Variants in LPAR1 observed in about 807,000 individuals in gnomAD.
The protein encoded by LPAR1 is LPA receptor 1.
Under a neutral mutation model 23.8 loss-of-function variants are expected in LPAR1, and 5 were observed. The ratio of observed to expected loss-of-function variants is 0.21; its 90% CI spans 0.11 to 0.44. LPAR1 has a LOEUF of 0.44. Among genes scored for constraint, LPAR1 ranks in the 20% least tolerant of loss-of-function variants. The probability of loss-of-function intolerance (pLI) is 0.99; values close to 1 mark genes in which losing one functional copy is unlikely to be tolerated. For missense variants in LPAR1, 311 were observed against 482.8 expected, an observed-to-expected ratio of 0.64 and a Z score of 3.33; for synonymous variants, 160 against 164.7, an observed-to-expected ratio of 0.97 and a Z score of 0.22.
At chr9:110,878,255 A>C (rs764089358) in intron 5 of LPAR1, among the ~76,000 whole-genome samples, 3 of 152,128 alleles carry the variant, frequency 2.0e-5, no homozygotes, top group Non-Finnish European at 2.9e-5. Flanking sequence ...AAAACCAATC[A>C]TATGGAAATT....
intron 2 of LPAR1, among the ~76,000 whole-genome samples, chr9:111,007,376 C>T (rs2140401031): frequency 6.6e-6 from 1 of 152,118 alleles, no homozygotes; most frequent in South Asian, 2.1e-4. Flanking sequence ...AAACTGTTAA[C>T]ATTCTTAAAG....
In LPAR1 at chr9:111,005,575, A is replaced by AAAG. The variant is rs1554729754; in HGVS notation, c.-182+30544_-182+30546dup. On this transcript the variant is annotated intron_variant, in intron 2 of 5. Transcript: ENST00000683809. ...AAAAAAAAAAAAAAAAAAAAAAAAA[A>AAAG]AAGAAGAATTGGGAAGGAGGAAGCA... 7.9e-3 allele frequency among the ~76,000 whole-genome samples: 1,031 copies of AAAG among 131,146 alleles called. 30 individuals are homozygous for AAAG. The highest frequency in any genetic ancestry group is 0.031 in the African/African-American group (959 of 30,622). The allele number at this position is 131,146 out of a possible 152,430, so 86.0% of individuals were successfully genotyped here.
chr9:111,038,557 G>T (rs1331346436), upstream of LPAR1: 4 of 449,110 alleles, frequency 8.9e-6, no homozygotes, highest in East Asian at 1.5e-4. The surrounding 1 kb of genome is among the most constrained non-coding windows in gnomAD (Gnocchi z 4.4). Flanking sequence ...CTCTTCCTCC[G>T]CCTTCCTTCT....
intron 5 of LPAR1, among the ~76,000 whole-genome samples, chr9:110,929,858 T>C (rs989787430): frequency 2.5e-4 from 38 of 152,190 alleles, no homozygotes; most frequent in African/African-American, 8.0e-4. Context: ...TTGGCTAAAT[T>C]CGGCAATTCA....
intron 2 of LPAR1, chr9:110,999,376 G>C: frequency 2.2e-6 from 1 of 455,872 alleles, no homozygotes; most frequent in Admixed American, 2.4e-5. Flanking sequence ...AGAAGGTTCA[G>C]ACCTCCCCCA....
At chr9:110,944,401 A>G (rs1430562640) in intron 4 of LPAR1, among the ~76,000 whole-genome samples, 1 of 152,246 alleles carries the variant, frequency 6.6e-6, no homozygotes, top group East Asian at 1.9e-4. Context: ...AGATATTTCC[A>G]AAAATGTTTA....
intron 4 of LPAR1, among the ~76,000 whole-genome samples, chr9:110,969,715 A>C (rs2096351150): frequency 6.7e-6 from 1 of 149,538 alleles, no homozygotes; most frequent in Non-Finnish European, 1.5e-5. Flanking sequence ...CTGTCTCAGA[A>C]AAAAAAAAAA....
At chr9:111,023,147 C>T (rs1222681771) in intron 2 of LPAR1, among the ~76,000 whole-genome samples, 3 of 151,760 alleles carry the variant, frequency 2.0e-5, no homozygotes, top group Non-Finnish European at 4.4e-5. Context: ...ACACCCATCT[C>T]CCCCAAAAAA....
chr9:110,976,040 C>G (rs764865280), intron 2 of LPAR1, among the ~76,000 whole-genome samples: 4 of 152,050 alleles, frequency 2.6e-5, no homozygotes, highest in Non-Finnish European at 4.4e-5. Flanking sequence ...CAAAACTGCA[C>G]AAATCATGGG....
At chr9:110,916,541 T>C (rs971047721) in intron 5 of LPAR1, among the ~76,000 whole-genome samples, 5 of 152,222 alleles carry the variant, frequency 3.3e-5, no homozygotes, top group Admixed American at 1.3e-4. Flanking sequence ...AAGTATTGCA[T>C]GCAGGCTTTG....
chr9:110,921,938 C>T (rs1019679261), intron 5 of LPAR1, among the ~76,000 whole-genome samples: 1 of 152,202 alleles, frequency 6.6e-6, no homozygotes, highest in African/African-American at 2.4e-5. Flanking sequence ...CAGCCAGCTA[C>T]CAAACCACAT....
chr9:110,889,238 G>C (rs937265364), intron 5 of LPAR1, among the ~76,000 whole-genome samples: 2 of 152,136 alleles, frequency 1.3e-5, no homozygotes, highest in Admixed American at 6.5e-5. Context: ...GGCGCCTGTA[G>C]TCTCAGCTAC....
At chr9:110,889,744 A>G (rs1338963011) in intron 5 of LPAR1, among the ~76,000 whole-genome samples, 1 of 152,254 alleles carries the variant, frequency 6.6e-6, no homozygotes, top group East Asian at 1.9e-4. Context: ...TTGTGGTTAC[A>G]AAATAATCAC....
chr9:111,031,300 T>C (rs1215042587), intron 2 of LPAR1, among the ~76,000 whole-genome samples: 1 of 150,534 alleles, frequency 6.6e-6, no homozygotes, highest in Non-Finnish European at 1.5e-5. Context: ...CTCACAGCTG[T>C]CATCCCAACA....
intron 4 of LPAR1, among the ~76,000 whole-genome samples, chr9:110,949,498 C>T (rs1011321243): frequency 6.6e-6 from 1 of 152,146 alleles, no homozygotes; most frequent in East Asian, 1.9e-4. Flanking sequence ...ATCCTCTTCC[C>T]TTGATATGTT....
chr9:110,920,875 C>T (rs752090822), intron 5 of LPAR1, among the ~76,000 whole-genome samples: 3 of 152,190 alleles, frequency 2.0e-5, no homozygotes, highest in Non-Finnish European at 2.9e-5. Context: ...GTATTCTCAG[C>T]ACTTTGGGAG....
chr9:111,015,065 A>C (rs908241964), intron 2 of LPAR1, among the ~76,000 whole-genome samples: 1 of 152,144 alleles, frequency 6.6e-6, no homozygotes, highest in Non-Finnish European at 1.5e-5. Flanking sequence ...GAAAAACCAC[A>C]TGAAGACACG....
intron 4 of LPAR1, among the ~76,000 whole-genome samples, chr9:110,947,984 C>G (rs958567401): frequency 6.6e-6 from 1 of 152,088 alleles, no homozygotes; most frequent in Admixed American, 6.5e-5. Flanking sequence ...TGAGCCGGGG[C>G]GGGGGCCTGA....
At chr9:110,961,963 G>T (rs916431198) in intron 4 of LPAR1, among the ~76,000 whole-genome samples, 3 of 152,124 alleles carry the variant, frequency 2.0e-5, no homozygotes, top group African/African-American at 4.8e-5. Context: ...GTATATTTGT[G>T]ATACATCATT....
Sources: allele counts gnomAD v4.1 joint callset (sites outside exome capture counted in the v4.1 genomes callset), GRCh38; gene constraint gnomAD v4.1.1; non-coding constraint Gnocchi (gnomAD v3.1); transcripts MANE v1.5; gene names NCBI Gene and HGNC (gene_info 2026-07-23, HGNC 2026-07-21).